PIWIL2: variants seen among roughly 807,000 people sequenced by gnomAD.
PIWIL2 encodes the protein piwi like RNA-mediated gene silencing 2.
Under a neutral mutation model 116.5 loss-of-function variants are expected in PIWIL2, and 81 were observed. The ratio of observed to expected loss-of-function variants is 0.70; its 90% CI spans 0.58 to 0.84. The LOEUF (loss-of-function observed/expected upper bound fraction) is 0.84. Among genes scored for constraint, PIWIL2 ranks in the 40% least tolerant of loss-of-function variants. The pLI, the probability that PIWIL2 is intolerant of heterozygous loss-of-function variation, is 0.00. For missense variants in PIWIL2, 1,272 were observed against 1,212.3 expected, an observed-to-expected ratio of 1.05 and a Z score of -0.73; for synonymous variants, 489 against 429.5, an observed-to-expected ratio of 1.14 and a Z score of -1.71.
chr8:22,297,527 T>G (rs541692229), intron 10 of PIWIL2, among the ~76,000 whole-genome samples: 1 of 152,290 alleles, frequency 6.6e-6, no homozygotes, highest in East Asian at 1.9e-4. Context: ...CTGTAATGCA[T>G]CTAGTTGTGA....
At chr8:22,310,971 T>C in intron 15 of PIWIL2, 141 bp from the exon 16 acceptor site, 1 of 700,130 alleles carries the variant, frequency 1.4e-6, no homozygotes, top group Non-Finnish European at 2.4e-6. Flanking sequence ...ATCATGTACG[T>C]TCATGTTAAT....
At chr8:22,320,258 G>A (rs1264697230) in intron 20 of PIWIL2, among the ~76,000 whole-genome samples, 1 of 105,788 alleles carries the variant, frequency 9.5e-6, no homozygotes, top group Admixed American at 1.2e-4. Context: ...GCTGCGCCCG[G>A]CTTTTTTTTT....
chr8:22,343,104 TA>T (rs1407505507), intron 20 of PIWIL2, among the ~76,000 whole-genome samples: 1 of 151,814 alleles, frequency 6.6e-6, no homozygotes, highest in Non-Finnish European at 1.5e-5. Flanking sequence ...CCGTCTCTAC[TA>T]AAAATACAAA....
chr8:22,331,361 A>G (rs563829216), intron 20 of PIWIL2, among the ~76,000 whole-genome samples: 2 of 150,610 alleles, frequency 1.3e-5, no homozygotes, highest in South Asian at 2.1e-4. Context: ...TTTAATTTCT[A>G]TTTTTTTTTG....
Position 22,307,925 on chromosome 8 carries a change from CTGTTTAGGATTTGG to C in PIWIL2, c.1546-7_1552del. The C allele has an allele frequency of 1.3e-6, 2 of 1,587,710 alleles. No individual in the cohort carries two copies. The highest frequency in any genetic ancestry group is 1.7e-6 in the Non-Finnish European group (2 of 1,161,868). On this transcript the variant is annotated splice_acceptor_variant and splice_polypyrimidine_tract_variant and coding_sequence_variant and intron_variant, in exon 14 of 23. Coordinates refer to ENST00000356766, the MANE Select transcript of PIWIL2 (RefSeq NM_018068.5). LOFTEE classifies it high-confidence loss of function. The stretch of plus-strand genomic sequence containing the variant: ...TTTATAAGTTATCTTTATTTTAATT[CTGTTTAGGATTTGG>C]CTCAGCAAATCAATCTGAGCCCCAA...
At chr8:22,315,949 C>G (rs183680461) in intron 18 of PIWIL2, among the ~76,000 whole-genome samples, 1 of 152,266 alleles carries the variant, frequency 6.6e-6, no homozygotes. Context: ...TGTCGGTGCT[C>G]AAAAGCTTTT....
At chr8:22,304,732 A>G in intron 11 of PIWIL2, 52 bp from the exon 12 acceptor site, 1 of 998,708 alleles carries the variant, frequency 1.0e-6, no homozygotes, top group East Asian at 2.4e-5. Context: ...ATGGTGCTCT[A>G]AGAGTATTGA....
rs35004343 is a variant in PIWIL2, at chr8:22,281,306, TA to T, written c.287-60del. On this transcript the variant is annotated intron_variant, in intron 3 of 22. Transcript: ENST00000356766. The stretch of plus-strand genomic sequence containing the variant: ...TTCAGAAACGTAACTGTGCTTTTTT[TA>T]AAAAAAAAAACTATACTTTAAAACA... 4,416 of 1,228,194 alleles carry T rather than the reference TA, an allele frequency of 3.6e-3. 9 individuals are homozygous for T. The highest frequency in any genetic ancestry group is 0.021 in the African/African-American group (1,335 of 64,414). 76.1% of individuals were successfully genotyped at this position (1,228,194 alleles called of 1,614,324 possible). A position where few individuals can be genotyped will look rare whatever the true frequency, so the allele number is the denominator to read the frequency against.
intron 20 of PIWIL2, among the ~76,000 whole-genome samples, chr8:22,319,365 A>C (rs1269348035): frequency 6.6e-6 from 1 of 152,160 alleles, no homozygotes; most frequent in Non-Finnish European, 1.5e-5. Context: ...ACCAAGTTCT[A>C]CCAGACTTTC....
chr8:22,308,073 G>A lies in PIWIL2; in HGVS notation c.1686G>A (p.Lys562=), dbSNP rs763365897. 1.2e-6 allele frequency: 2 copies of A among 1,611,678 alleles called. No homozygotes were observed. The highest frequency in any genetic ancestry group is 1.3e-5 in the African/African-American group (1 of 74,832). Residue 562 remains lysine, a splice_region_variant and synonymous_variant, in exon 14 of 23, where the codon AAG becomes AAA. Coordinates refer to ENST00000356766, the MANE Select transcript of PIWIL2 (RefSeq NM_018068.5). ...WGLRLQKDVH[K]IEGRVLPMER... ...TCCGTCTGCAAAAGGATGTACATAA[G>A]GTAAACCAAAAAACGTGATGGTGTA... is the stretch of plus-strand genomic sequence containing the variant.
At chr8:22,333,147 C>A (rs1831900491) in intron 20 of PIWIL2, among the ~76,000 whole-genome samples, 1 of 151,866 alleles carries the variant, frequency 6.6e-6, no homozygotes, top group African/African-American at 2.4e-5. Context: ...TCTAGGGTAA[C>A]TACGAAAGGA....
At chr8:22,321,681 G>A (rs555045290) in intron 20 of PIWIL2, among the ~76,000 whole-genome samples, 5 of 152,026 alleles carry the variant, frequency 3.3e-5, no homozygotes, top group Admixed American at 6.6e-5. Flanking sequence ...ATGTCAGCCC[G>A]GTTGACAGAG....
intron 20 of PIWIL2, among the ~76,000 whole-genome samples, chr8:22,347,646 C>T (rs1377536417): frequency 6.6e-6 from 1 of 151,728 alleles, no homozygotes; most frequent in Non-Finnish European, 1.5e-5. Context: ...CCTACCTCAG[C>T]CTCCTGAGTA....
In PIWIL2 at chr8:22,301,158, T is replaced by A. The variant is rs970114540; in HGVS notation, c.1182-2863T>A. 4.6e-5 allele frequency among the ~76,000 whole-genome samples: 7 copies of A among 151,480 alleles called. No individual in the cohort carries two copies. In the East Asian group the frequency reaches 9.7e-4, roughly 21 times the overall value. On this transcript the variant is annotated intron_variant, in intron 10 of 22. Coordinates refer to ENST00000356766, the MANE Select transcript of PIWIL2 (RefSeq NM_018068.5). Reference sequence around the variant, plus strand: ...CCATGCCCAGCTAATTAAAAAAAATTTTTTTTGTAGAGATAGAGTTTCACC... The same window carrying A: ...CCATGCCCAGCTAATTAAAAAAAATATTTTTTGTAGAGATAGAGTTTCACC...
At chr8:22,316,952 C>T (rs1831474581) in intron 19 of PIWIL2, among the ~76,000 whole-genome samples, 1 of 151,754 alleles carries the variant, frequency 6.6e-6, no homozygotes, top group Admixed American at 6.6e-5. Flanking sequence ...CCATACCCAG[C>T]TAATTTTTGT....
At position 22,304,126 on chromosome 8, in the gene PIWIL2, T is replaced by G; in HGVS notation, c.1287T>G (p.Ile429Met). 6.2e-7 allele frequency: 1 copy of G among 1,612,820 alleles called. No individual in the cohort carries two copies. Among genetic ancestry groups the G allele is most frequent in the Non-Finnish European group, 8.5e-7 (1 of 1,178,836 alleles). The change falls in exon 11 of 23, where the codon ATT becomes ATG. Residue 429 changes from isoleucine (I) to methionine (M), a missense_variant. By Grantham distance (10) the Ile-to-Met change is conservative. Coordinates refer to ENST00000356766, the MANE Select transcript of PIWIL2 (RefSeq NM_018068.5). ...GATATAACAATCGTACCTATCGTAT[T>G]GATGATGTGGATTGGAATAAGACTC... ...ITRYNNRTYR[I>M]DDVDWNKTPK...
chr8:22,281,988 G>A (rs969496912), intron 4 of PIWIL2, among the ~76,000 whole-genome samples: 2 of 150,922 alleles, frequency 1.3e-5, no homozygotes, highest in African/African-American at 4.9e-5. Flanking sequence ...CGCCAGGCTG[G>A]TCTTGAGCTC....
chr8:22,282,044 A>AT (rs1830516899), intron 4 of PIWIL2, among the ~76,000 whole-genome samples: 2 of 140,614 alleles, frequency 1.4e-5, no homozygotes, highest in African/African-American at 5.3e-5. Flanking sequence ...AAGTGCTGAG[A>AT]TTACAGGCAT....
At chr8:22,336,820 G>A (rs947217255) in intron 20 of PIWIL2, among the ~76,000 whole-genome samples, 6 of 152,126 alleles carry the variant, frequency 3.9e-5, no homozygotes, top group Non-Finnish European at 8.8e-5. Context: ...GAAGCCAAAA[G>A]TTGGTTCTTT....
Sources: gnomAD v4.1 joint callset for allele counts (sites outside exome capture counted in the v4.1 genomes callset) on GRCh38, gnomAD v4.1.1 for gene constraint, MANE v1.5 for transcripts, NCBI Gene and HGNC (gene_info 2026-07-23, HGNC 2026-07-21) for gene names.